Variants in GRID1 observed in about 807,000 individuals in gnomAD.
GRID1 encodes the protein glutamate ionotropic receptor delta type subunit 1.
GRID1 carries 28 observed loss-of-function variants against 98.0 expected under a neutral mutation model. That is an observed-to-expected ratio of 0.29 (90% CI 0.21 to 0.39). GRID1 has a LOEUF of 0.39. Among genes scored for constraint, GRID1 ranks in the 10% least tolerant of loss-of-function variants. The pLI is 1.00. For synonymous variants in GRID1, 553 were observed against 538.5 expected (o/e 1.03, Z -0.37); for missense variants, 1,111 against 1,340.5 (o/e 0.83, Z 2.67).
At chr10:85,801,709 A>C (rs1564594943) in intron 8 of GRID1, among the ~76,000 whole-genome samples, 1 of 151,864 alleles carries the variant, frequency 6.6e-6, no homozygotes, top group Non-Finnish European at 1.5e-5. Context: ...AAGTGGGAAA[A>C]TGTAAAGCAA....
chr10:85,756,270 A>T (rs1256748859), intron 8 of GRID1, among the ~76,000 whole-genome samples: 1 of 152,166 alleles, frequency 6.6e-6, no homozygotes, highest in African/African-American at 2.4e-5. Context: ...TCACAATTTC[A>T]TGGATAGAAG....
intron 1 of GRID1, 48 bp from the exon 2 acceptor site, chr10:86,364,144 C>T: frequency 1.9e-6 from 3 of 1,559,790 alleles, no homozygotes; most frequent in Non-Finnish European, 2.6e-6. Context: ...GAACCCTCTC[C>T]CCGCTTCCCT....
intron 12 of GRID1, among the ~76,000 whole-genome samples, chr10:85,709,681 C>G (rs1473823181): frequency 1.3e-5 from 2 of 152,134 alleles, no homozygotes; most frequent in African/African-American, 4.8e-5. Context: ...TTAATTCACT[C>G]ACACCGATAG....
intron 8 of GRID1, among the ~76,000 whole-genome samples, chr10:85,810,668 CG>C (rs1842663685): frequency 6.6e-6 from 1 of 152,128 alleles, no homozygotes; most frequent in Admixed American, 6.5e-5. Context: ...CTGCCCCGGC[CG>C]ACATGCCCCT....
rs572369678 is a variant in GRID1, at chr10:86,340,624, C to T, written c.235+23317G>A. ...GGGGAGTAAGGCAGGGGAGGGGAGT[C>T]ACTGTTTCTCTAGACCATAGAAGTC... On this transcript the variant is annotated intron_variant, in intron 2 of 15. Transcript: ENST00000327946. Among the ~76,000 whole-genome samples, 6 of 152,298 alleles carry T rather than the reference C, an allele frequency of 3.9e-5. No individual in the cohort carries two copies. In the South Asian group the frequency reaches 1.2e-3, roughly 32 times the overall value.
chr10:86,111,806 A>G (rs1321055030), intron 4 of GRID1, among the ~76,000 whole-genome samples: 1 of 152,248 alleles, frequency 6.6e-6, no homozygotes, highest in Non-Finnish European at 1.5e-5. Flanking sequence ...CCTGATAGGA[A>G]GAGGCACTGA....
At position 86,322,481 on chromosome 10, in the gene GRID1, G is replaced by A. The variant is rs113297774; in HGVS notation, c.235+41460C>T. On this transcript the variant is annotated intron_variant, in intron 2 of 15. Coordinates refer to ENST00000327946, the MANE Select transcript of GRID1 (RefSeq NM_017551.3). ...GGCTGGAGTGCAGTGGCATGATCTCGGGTCACTGCAACCTCCACCTCCTGG... is the reference window on the plus strand; with the variant it reads ...GGCTGGAGTGCAGTGGCATGATCTCAGGTCACTGCAACCTCCACCTCCTGG... 7.6e-3 allele frequency among the ~76,000 whole-genome samples: 1,162 copies of A among 151,962 alleles called. 15 individuals carry two copies. The highest frequency in any genetic ancestry group is 0.025 in the African/African-American group (1,041 of 41,460).
Position 86,042,885 on chromosome 10 carries a change from A to T in GRID1, c.726+95934T>A, listed in dbSNP as rs144079920. Among the ~76,000 whole-genome samples, 41 of 152,280 alleles carry T rather than the reference A, an allele frequency of 2.7e-4. No individual in the cohort carries two copies. The East Asian group carries it at 7.5e-3, about 28-fold the overall frequency. On this transcript the variant is annotated intron_variant, in intron 4 of 15. Coordinates refer to ENST00000327946, the MANE Select transcript of GRID1 (RefSeq NM_017551.3). Reference sequence around the variant, plus strand: ...AGCATCACTTGAGCCCAGGAGTTCAAGATCAGCCAGGGCAACATAGTAAGA... The same window carrying T: ...AGCATCACTTGAGCCCAGGAGTTCATGATCAGCCAGGGCAACATAGTAAGA...
In GRID1 at chr10:86,131,341, G is replaced by T. The variant is rs77456403; in HGVS notation, c.726+7478C>A. ...GCAGAAAGGGTAATTGAGCCATTTC[G>T]GCTGCTGCAGGCTGTTTCCCTTTGT... On this transcript the variant is annotated intron_variant, in intron 4 of 15. Coordinates refer to ENST00000327946, the MANE Select transcript of GRID1 (RefSeq NM_017551.3). Among the ~76,000 whole-genome samples the T allele has an allele frequency of 5.3e-5, 8 of 152,248 alleles. 1 individual carries two copies. The East Asian group carries it at 1.5e-3, about 29-fold the overall frequency.
At chr10:86,138,732 G>C (rs1322741347) in intron 4 of GRID1, 87 bp downstream of exon 4, 1 of 1,066,418 alleles carries the variant, frequency 9.4e-7, no homozygotes, top group Admixed American at 1.9e-5. Context: ...CCATGCGTAA[G>C]ACGACTGTGC....
intron 2 of GRID1, among the ~76,000 whole-genome samples, chr10:86,288,750 C>T (rs1847470000): frequency 6.6e-6 from 1 of 152,204 alleles, no homozygotes; most frequent in South Asian, 2.1e-4. Flanking sequence ...CAGTGGGTGG[C>T]CGTCACCTCT....
chr10:85,963,902 A>C (rs74493099), intron 4 of GRID1, among the ~76,000 whole-genome samples: 1 of 152,210 alleles, frequency 6.6e-6, no homozygotes, highest in African/African-American at 2.4e-5. Context: ...TCTAACTGAA[A>C]GAGGATTTAT....
chr10:86,347,591 A>G (rs543580873), intron 2 of GRID1, among the ~76,000 whole-genome samples: 1 of 152,364 alleles, frequency 6.6e-6, no homozygotes, highest in South Asian at 2.1e-4. Flanking sequence ...TGCAACAGGC[A>G]GGAGGCTGCC....
intron 4 of GRID1, among the ~76,000 whole-genome samples, chr10:85,973,916 C>T (rs951217313): frequency 6.6e-6 from 1 of 152,192 alleles, no homozygotes; most frequent in South Asian, 2.1e-4. Flanking sequence ...ATTAGTCATG[C>T]TGCTAAGTGG....
chr10:85,883,878 C>T (rs1388383565), intron 5 of GRID1, among the ~76,000 whole-genome samples: 1 of 152,180 alleles, frequency 6.6e-6, no homozygotes, highest in Non-Finnish European at 1.5e-5. Context: ...ATTTTCCTTG[C>T]CATCTCCTTC....
chr10:85,720,390 A>G lies in GRID1; in HGVS notation c.1997+2613T>C, dbSNP rs1428245000. On this transcript the variant is annotated intron_variant, in intron 12 of 15. Transcript: ENST00000327946. Reference sequence around the variant, plus strand: ...TAAAATAATGCTAACAAAGAAGATTAAAATGGGAGGAATCACTCTACCCTA... The same window carrying G: ...TAAAATAATGCTAACAAAGAAGATTGAAATGGGAGGAATCACTCTACCCTA... Among the ~76,000 whole-genome samples the G allele has an allele frequency of 3.3e-5, 5 of 152,130 alleles. No individual in the cohort carries two copies. The East Asian group carries it at 9.6e-4, about 29-fold the overall frequency.
At chr10:86,040,972 G>GT (rs71016122) in intron 4 of GRID1, among the ~76,000 whole-genome samples, 13,417 of 152,114 alleles carry the variant, frequency 0.088, 634 homozygotes, top group Non-Finnish European at 0.11. Context: ...TAGAATTCAG[G>GT]TGCAGCTGCA....
chr10:86,121,481 CCAT>C (rs1451777813), intron 4 of GRID1, among the ~76,000 whole-genome samples: 1 of 87,706 alleles, frequency 1.1e-5, no homozygotes, highest in African/African-American at 4.3e-5. Context: ...ATCATCACTA[CCAT>C]CATCACCATC....
At chr10:85,809,636 T>G (rs576845659) in intron 8 of GRID1, among the ~76,000 whole-genome samples, 1 of 152,316 alleles carries the variant, frequency 6.6e-6, no homozygotes, top group East Asian at 1.9e-4. Flanking sequence ...AAGGACCAAG[T>G]AAGTAAATTA....
Sources: allele counts gnomAD v4.1 joint callset (sites outside exome capture counted in the v4.1 genomes callset), GRCh38; gene constraint gnomAD v4.1.1; transcripts MANE v1.5; gene names NCBI Gene and HGNC (gene_info 2026-07-23, HGNC 2026-07-21).